The following GPC5 variants were observed in gnomAD, a reference collection of about 807,000 sequenced individuals.
The protein encoded by GPC5 is glypican 5, also known as glypican-5.
Under a neutral mutation model 53.9 loss-of-function variants are expected in GPC5, and 47 were observed. The observed-to-expected ratio is 0.87, with a 90% CI of 0.69 to 1.11. GPC5 has a LOEUF of 1.11. GPC5 is among the 50% of genes most tolerant of loss of function. The probability of loss-of-function intolerance (pLI) is 0.00; values close to 1 mark genes in which losing one functional copy is unlikely to be tolerated. For missense variants in GPC5, 748 were observed against 713.1 expected, an observed-to-expected ratio of 1.05 and a Z score of -0.56; for synonymous variants, 286 against 263.3, an observed-to-expected ratio of 1.09 and a Z score of -0.84.
chr13:91,440,317 G>A (rs1324846248), intron 1 of GPC5, among the ~76,000 whole-genome samples: 1 of 151,696 alleles, frequency 6.6e-6, no homozygotes, highest in Non-Finnish European at 1.5e-5. Context: ...CTTTTTCTCT[G>A]TCTTCTTCAG....
At chr13:91,643,471 A>G (rs1263522076) in intron 2 of GPC5, among the ~76,000 whole-genome samples, 2 of 152,208 alleles carry the variant, frequency 1.3e-5, no homozygotes, top group Non-Finnish European at 2.9e-5. Context: ...TTTGTATGAC[A>G]AAAGGAATGT....
chr13:92,397,080 G>A lies in GPC5; in HGVS notation c.1561+252091G>A, dbSNP rs549265102. Among the ~76,000 whole-genome samples the A allele has an allele frequency of 2.6e-5, 4 of 152,336 alleles. No individual in the cohort carries two copies. The South Asian group carries it at 8.3e-4, about 32-fold the overall frequency. On this transcript the variant is annotated intron_variant, in intron 7 of 7. Transcript: ENST00000377067. ...TACCTGGAGATAAAACCATAAAAAT[G>A]TAGATTTCTAGCAGGAGTTTCTCAC...
chr13:91,460,617 T>G (rs1451749709), intron 2 of GPC5, among the ~76,000 whole-genome samples: 1 of 152,140 alleles, frequency 6.6e-6, no homozygotes, highest in Non-Finnish European at 1.5e-5. Flanking sequence ...ATTTTTATTA[T>G]ATTATTTCTT....
intron 7 of GPC5, among the ~76,000 whole-genome samples, chr13:92,187,925 T>G (rs1477226058): frequency 6.6e-6 from 1 of 152,242 alleles, no homozygotes. Flanking sequence ...TCTGTTCTCC[T>G]TCTAACCACA....
At chr13:92,330,557 T>A (rs1264199653) in intron 7 of GPC5, among the ~76,000 whole-genome samples, 1 of 152,160 alleles carries the variant, frequency 6.6e-6, no homozygotes, top group East Asian at 1.9e-4. Flanking sequence ...TAGCATTGTT[T>A]CCCTGACCTG....
intron 7 of GPC5, among the ~76,000 whole-genome samples, chr13:92,782,755 C>A (rs1418954546): frequency 1.3e-5 from 2 of 152,124 alleles, no homozygotes; most frequent in Non-Finnish European, 2.9e-5. Context: ...GAGCTTCAGA[C>A]ACTTATGTAA....
At chr13:91,497,155 C>T (rs1257428437) in intron 2 of GPC5, among the ~76,000 whole-genome samples, 1 of 151,732 alleles carries the variant, frequency 6.6e-6, no homozygotes, top group Non-Finnish European at 1.5e-5. Flanking sequence ...AGATGTATGA[C>T]CAGTTATAAT....
chr13:92,490,233 C>T (rs1879711595), intron 7 of GPC5: 1 of 154,292 alleles, frequency 6.5e-6, no homozygotes, highest in African/African-American at 2.4e-5. Context: ...CAGCCTGATC[C>T]TAAGCAATCT....
chr13:92,758,641 GTTTATA>G (rs1466687485), intron 7 of GPC5, among the ~76,000 whole-genome samples: 1 of 151,996 alleles, frequency 6.6e-6, no homozygotes, highest in Non-Finnish European at 1.5e-5. Flanking sequence ...CGTCACTTGT[GTTTATA>G]TTTATTTTCA....
chr13:91,967,422 CAGTT>C (rs755567646), intron 6 of GPC5, among the ~76,000 whole-genome samples: 11 of 152,088 alleles, frequency 7.2e-5, no homozygotes, highest in East Asian at 5.8e-4. Flanking sequence ...AAAATATACT[CAGTT>C]AGAAGAACTT....
At chr13:92,822,430 C>A (rs948348359) in intron 7 of GPC5, among the ~76,000 whole-genome samples, 2 of 152,010 alleles carry the variant, frequency 1.3e-5, no homozygotes, top group African/African-American at 4.8e-5. Flanking sequence ...AAATAAAGAG[C>A]AGTACCTAAG....
chr13:91,515,218 T>C (rs1541140), intron 2 of GPC5, among the ~76,000 whole-genome samples: 142,515 of 152,264 alleles, frequency 0.94, 67,407 homozygotes, highest in Non-Finnish European at 1. Context: ...ATATCAACTT[T>C]ATGCTGTAAT....
chr13:91,478,106 GT>G (rs938656529), intron 2 of GPC5, among the ~76,000 whole-genome samples: 41 of 147,586 alleles, frequency 2.8e-4, no homozygotes, highest in Admixed American at 1.4e-3. Flanking sequence ...ATTGTCGTTA[GT>G]TTTTTTTTTG....
chr13:91,833,152 G>A, intron 5 of GPC5, among the ~76,000 whole-genome samples: 1 of 152,080 alleles, frequency 6.6e-6, no homozygotes, highest in East Asian at 1.9e-4. Context: ...AGAAGAAATG[G>A]ATAAATTCCT....
intron 7 of GPC5, among the ~76,000 whole-genome samples, chr13:92,733,784 G>A (rs757690865): frequency 1.4e-4 from 21 of 151,680 alleles, no homozygotes; most frequent in Non-Finnish European, 2.2e-4. Context: ...TTATATCATT[G>A]TGGATATTTG....
chr13:92,217,770 A>G (rs2042421308), intron 7 of GPC5, among the ~76,000 whole-genome samples: 5 of 152,090 alleles, frequency 3.3e-5, no homozygotes, highest in Admixed American at 3.3e-4. Context: ...GCCTTGATGT[A>G]GACTTGACTA....
chr13:91,723,600 C>A lies in GPC5; in HGVS notation c.1021-4932C>A, dbSNP rs571170408. On this transcript the variant is annotated intron_variant, in intron 3 of 7. Coordinates refer to ENST00000377067, the MANE Select transcript of GPC5 (RefSeq NM_004466.6). ...AAACCACCAAGAGCTTTAACTTCTT[C>A]ATTCTTACCTTATATAGGGAGTCAA... 2.2e-4 allele frequency among the ~76,000 whole-genome samples: 34 copies of A among 152,200 alleles called. 1 individual carries two copies. The highest frequency in any genetic ancestry group is 4.6e-4 in the Non-Finnish European group (31 of 67,972).
At chr13:92,137,020 C>T (rs1185806331) in intron 6 of GPC5, among the ~76,000 whole-genome samples, 2 of 152,064 alleles carry the variant, frequency 1.3e-5, no homozygotes, top group Non-Finnish European at 2.9e-5. Context: ...ACTGCACAAA[C>T]TGCATGGCAT....
chr13:91,445,576 G>C (rs972011164), intron 1 of GPC5, among the ~76,000 whole-genome samples: 1 of 152,168 alleles, frequency 6.6e-6, no homozygotes, highest in African/African-American at 2.4e-5. Context: ...CCAGCTACAA[G>C]TGATTCTCCT....
Sources: allele counts gnomAD v4.1 joint callset (sites outside exome capture counted in the v4.1 genomes callset), GRCh38; gene constraint gnomAD v4.1.1; transcripts MANE v1.5; gene names NCBI Gene and HGNC (gene_info 2026-07-23, HGNC 2026-07-21).